The following LDB3 variants were observed in gnomAD, a reference collection of about 807,000 sequenced individuals.
LDB3 encodes the protein LIM domain-binding protein 3.
LDB3 carries 49 observed loss-of-function variants against 69.0 expected under a neutral mutation model. That is an observed-to-expected ratio of 0.71 (90% CI 0.56 to 0.90). The LOEUF (loss-of-function observed/expected upper bound fraction) is 0.90, where lower values mean the gene tolerates loss of function less well. Among genes scored for constraint, LDB3 ranks in the 40% least tolerant of loss-of-function variants. LDB3 has a pLI of 0.00. For missense variants in LDB3, 928 were observed against 974.1 expected, an observed-to-expected ratio of 0.95 and a Z score of 0.63; for synonymous variants, 387 against 396.2, an observed-to-expected ratio of 0.98 and a Z score of 0.28.
In LDB3 at chr10:86,679,431, A is replaced by G. The variant is rs935307586; in HGVS notation, c.158A>G (p.Asp53Gly). The G allele has an allele frequency of 8.1e-6, 13 of 1,613,966 alleles. No homozygotes were observed. The highest frequency in any genetic ancestry group is 1.6e-4 in the Middle Eastern group (1 of 6,084). The change falls in exon 3 of 14, where the codon GAC (aspartate) becomes GGC (glycine). Residue 53 changes from aspartate to glycine, a missense_variant. Coordinates refer to ENST00000361373, the MANE Select transcript of LDB3 (RefSeq NM_007078.3). ...LSQGDLVVAI[D>G]GVNTDTMTHL... ...CAGGGTGACCTCGTGGTGGCCATTG[A>G]CGGCGTCAACACAGACACCATGACC...
At chr10:86,685,730 G>C (rs377425932) in intron 5 of LDB3, 3 of 1,613,534 alleles carry the variant, frequency 1.9e-6, no homozygotes, top group African/African-American at 2.7e-5. Context: ...ATGTGTGTGC[G>C]CTTGCGTGCC....
chr10:86,717,143 TG>T (rs1846908789), intron 10 of LDB3, among the ~76,000 whole-genome samples: 2 of 152,188 alleles, frequency 1.3e-5, no homozygotes, highest in Admixed American at 1.3e-4. Flanking sequence ...CCTTTAGGGT[TG>T]TTTCTGGGTC....
chr10:86,716,846 C>A, intron 10 of LDB3, 75 bp downstream of exon 10: 1 of 1,492,458 alleles, frequency 6.7e-7, no homozygotes, highest in Non-Finnish European at 9.1e-7. Flanking sequence ...CAGTCTGAGC[C>A]CTGGTTGGGA....
chr10:86,690,062 C>CG (rs1845685597), intron 5 of LDB3, among the ~76,000 whole-genome samples: 1 of 152,192 alleles, frequency 6.6e-6, no homozygotes, highest in Non-Finnish European at 1.5e-5. Flanking sequence ...GAAATGCTTT[C>CG]TTGAACCCTT....
In LDB3 at chr10:86,700,241, C is replaced by T. The variant is rs566770392; in HGVS notation, c.897-6290C>T. Among the ~76,000 whole-genome samples, 15 of 152,266 alleles carry T rather than the reference C, an allele frequency of 9.9e-5. No individual in the cohort carries two copies. In the South Asian group the frequency reaches 2.9e-3, roughly 29 times the overall value. ...AGGTTCCGAGCCCAGCTGCAACCCA[C>T]GGCGGGAGGATGGCTGGTGGGAATC... On this transcript the variant is annotated intron_variant, in intron 7 of 13. Transcript: ENST00000361373.
rs181700296 is a variant in LDB3, at chr10:86,709,924, A to G, written c.1105A>G (p.Ser369Gly). 42 of 1,611,672 alleles carry G rather than the reference A, an allele frequency of 2.6e-5. No individual in the cohort carries two copies. The Admixed American group carries it at 6.7e-4, about 26-fold the overall frequency. The change falls in exon 9 of 14, where the codon AGC becomes GGC. Residue 369 changes from serine (S) to glycine (G), a missense_variant. Ser to Gly is a moderately conservative substitution (Grantham distance 56, BLOSUM62 0). Transcript: ENST00000361373. ...TTCCAGGCCCCAGGCCTCTTCCTAC[A>G]GCCCCGCAGTGGCCGCCTCTTCAGC... is the stretch of plus-strand genomic sequence containing the variant. ...DSPRPQASSY[S>G]PAVAASSAPA...
chr10:86,721,764 G>A (rs373590331), intron 12 of LDB3, among the ~76,000 whole-genome samples: 12 of 152,158 alleles, frequency 7.9e-5, no homozygotes, highest in Non-Finnish European at 1.6e-4. Context: ...AGCCTGGCAC[G>A]CTGTGTTTCA....
At chr10:86,728,668 C>T (rs1847356022) in intron 13 of LDB3, among the ~76,000 whole-genome samples, 1 of 148,656 alleles carries the variant, frequency 6.7e-6, no homozygotes, top group Non-Finnish European at 1.5e-5. Flanking sequence ...CTGCAACCTC[C>T]ACCTCCCAGG....
intron 9 of LDB3, among the ~76,000 whole-genome samples, chr10:86,713,939 A>G (rs1846766846): frequency 6.6e-6 from 1 of 152,042 alleles, no homozygotes; most frequent in African/African-American, 2.4e-5. Context: ...CCCCAACCCT[A>G]GGCGCTACCA....
At chr10:86,670,179 C>T (rs1844383457) in intron 2 of LDB3, among the ~76,000 whole-genome samples, 2 of 152,160 alleles carry the variant, frequency 1.3e-5, no homozygotes, top group African/African-American at 4.8e-5. Context: ...CCCTGACCTC[C>T]ATCCTTCAGT....
At chr10:86,670,538 G>T (rs987437718) in intron 2 of LDB3, among the ~76,000 whole-genome samples, 8 of 152,162 alleles carry the variant, frequency 5.3e-5, no homozygotes, top group African/African-American at 1.9e-4. Context: ...TGGGCTCAGT[G>T]GCACTCAGGA....
rs1349725713 is a variant in LDB3 at position 86,716,390 on chromosome 10, C to A, written c.1295C>A (p.Ser432Tyr). The A allele has an allele frequency of 1.3e-6, 2 of 1,590,292 alleles. No individual in the cohort carries two copies. Among genetic ancestry groups the A allele is most frequent in the Non-Finnish European group, 1.7e-6 (2 of 1,170,308 alleles). The change falls in exon 10 of 14, where the codon TCC becomes TAC. Residue 432 changes from serine (S) to tyrosine (Y), a missense_variant. Ser to Tyr is a moderately radical substitution (Grantham distance 144). Transcript: ENST00000361373. The part of the protein sequence containing the change: ...ANYSPTPYTP[S>Y]PAPAYTPSPA... ...TACAGTCCCACTCCCTACACCCCCT[C>A]CCCTGCCCCTGCCTACACCCCCTCC...
chr10:86,722,653 C>T (rs568112546), intron 12 of LDB3, among the ~76,000 whole-genome samples: 191 of 145,778 alleles, frequency 1.3e-3, no homozygotes, highest in Middle Eastern at 3.6e-3. Flanking sequence ...CTGCAACCTC[C>T]GCCTTCTGGG....
At chr10:86,693,432 C>T (rs1845864418) in intron 7 of LDB3, among the ~76,000 whole-genome samples, 1 of 152,262 alleles carries the variant, frequency 6.6e-6, no homozygotes, top group African/African-American at 2.4e-5. Flanking sequence ...GGCACCCTCC[C>T]ATCCTGGGCC....
chr10:86,706,385 C>T (rs1846441850), intron 7 of LDB3, 146 bp from the exon 8 acceptor site: 1 of 874,698 alleles, frequency 1.1e-6, no homozygotes, highest in South Asian at 1.4e-5. Flanking sequence ...GAAGACACAC[C>T]CTCTGAGGAT....
At chr10:86,681,378 C>A (rs981340581) in intron 4 of LDB3, 58 bp from the exon 5 acceptor site, 1 of 1,595,452 alleles carries the variant, frequency 6.3e-7, no homozygotes, top group African/African-American at 1.3e-5. Context: ...AGCGCTGGGA[C>A]GCGTGTGGCC....
chr10:86,712,097 A>T (rs1846690854), intron 9 of LDB3, among the ~76,000 whole-genome samples: 1 of 151,948 alleles, frequency 6.6e-6, no homozygotes, highest in Non-Finnish European at 1.5e-5. Context: ...AGGGCTGCGA[A>T]GCGCCACTGC....
At chr10:86,672,319 A>T (rs1199421164) in intron 2 of LDB3, among the ~76,000 whole-genome samples, 2 of 152,096 alleles carry the variant, frequency 1.3e-5, no homozygotes, top group East Asian at 3.9e-4. Flanking sequence ...CCCCGCCTGC[A>T]GGCTCACCTG....
intron 7 of LDB3, among the ~76,000 whole-genome samples, chr10:86,704,576 A>C (rs1846374845): frequency 7.7e-6 from 1 of 130,416 alleles, no homozygotes; most frequent in African/African-American, 3.4e-5. Flanking sequence ...CGCCCAGCTA[A>C]ATTTTTTTTT....
Sources: allele counts gnomAD v4.1 joint callset (sites outside exome capture counted in the v4.1 genomes callset), GRCh38; gene constraint gnomAD v4.1.1; transcripts MANE v1.5; gene names NCBI Gene and HGNC (gene_info 2026-07-23, HGNC 2026-07-21).